Variants in SCNN1G observed in about 807,000 individuals in gnomAD.
The protein encoded by SCNN1G is sodium channel epithelial 1 subunit gamma, also known as epithelial sodium channel subunit gamma.
In SCNN1G, 27 loss-of-function variants were observed where a neutral mutation model predicts 64.6. The observed-to-expected ratio is 0.42, with a 90% CI of 0.31 to 0.58. The LOEUF (loss-of-function observed/expected upper bound fraction) is 0.58. Ranked by LOEUF, SCNN1G falls within the 20% of genes least tolerant of loss-of-function variation. The probability of loss-of-function intolerance (pLI) is 0.18; values close to 1 mark genes in which losing one functional copy is unlikely to be tolerated. For missense variants in SCNN1G, 743 were observed against 823.4 expected (o/e 0.90, Z 1.19); for synonymous variants, 330 against 314.2 (o/e 1.05, Z -0.53).
rs148236872 is a variant in SCNN1G, at chr16:23,189,387, C to A, written c.334C>A (p.His112Asn). ...INPYKYSTVR[H>N]LLADLEQETR... ...CCTTGGCAGGTACAGCACCGTTCGC[C>A]ACCTTCTAGCTGACTTGGAACAGGA... The change falls in exon 3 of 13, where the codon CAC becomes AAC. Residue 112 changes from histidine (H) to asparagine (N), a missense_variant. His to Asn is a moderately conservative substitution (Grantham distance 68). Coordinates refer to ENST00000300061, the MANE Select transcript of SCNN1G (RefSeq NM_001039.4). The A allele has an allele frequency of 6.2e-7, 1 of 1,613,800 alleles. No homozygotes were observed. Among genetic ancestry groups the A allele is most frequent in the African/African-American group, 1.3e-5 (1 of 74,942 alleles).
chr16:23,204,497 A>C (rs55852809), intron 6 of SCNN1G, among the ~76,000 whole-genome samples: 51,030 of 145,414 alleles, frequency 0.35, 9,567 homozygotes, highest in East Asian at 0.71. Flanking sequence ...TCCTTTATGA[A>C]TTTTATATAT....
At position 23,189,600 on chromosome 16, in the gene SCNN1G, G is replaced by A. The variant is rs5736; in HGVS notation, c.547G>A (p.Gly183Ser). The A allele has an allele frequency of 2.9e-3, 4,678 of 1,614,194 alleles. 73 individuals carry two copies. In the African/African-American group the frequency reaches 0.037, roughly 13 times the overall value. ...CTTCACAGGGAGGAAGCGGAAAGTC[G>A]GCGGTAGCATCATTCACAAGGCTTC... ...DFFTGRKRKV[G>S]GSIIHKASNV... The change falls in exon 3 of 13, where the codon GGC becomes AGC. Residue 183 changes from glycine to serine, a missense_variant. By Grantham distance (56) the Gly-to-Ser change is moderately conservative. Transcript: ENST00000300061.
chr16:23,191,847 A>G (rs1191365755), intron 3 of SCNN1G, among the ~76,000 whole-genome samples: 1 of 152,194 alleles, frequency 6.6e-6, no homozygotes, highest in Non-Finnish European at 1.5e-5. Flanking sequence ...GGGTCCTCCC[A>G]GCTACCACAC....
rs770462575 is a variant in SCNN1G, at chr16:23,186,368, T to C, written c.97T>C (p.Cys33Arg). The change falls in exon 2 of 13, where the codon TGC (cysteine) becomes CGC (arginine). Residue 33 changes from cysteine (C) to arginine (R), a missense_variant. Transcript: ENST00000300061. The stretch of plus-strand genomic sequence containing the variant: ...CATTAAAGAGCTGATGCGGTGGTAC[T>C]GCCTCAACACCAACACCCATGGCTG... ...PTIKELMRWY[C>R]LNTNTHGCRR... 4 of 1,614,096 alleles carry C rather than the reference T, an allele frequency of 2.5e-6. No homozygotes were observed. The African/African-American group carries it at 4.0e-5, about 16-fold the overall frequency.
chr16:23,192,468 G>A lies in SCNN1G; in HGVS notation c.735G>A (p.Lys245=), dbSNP rs780436941. ...TCATGGCACAGGTGCCTCTGGAGAA[G>A]AAAATCAACATGAGCTATTCTGCTG... The part of the protein sequence containing the change: ...MNIMAQVPLE[K]KINMSYSAEE... Residue 245 remains lysine, a synonymous_variant, in exon 4 of 13, where the codon AAG becomes AAA. Coordinates refer to ENST00000300061, the MANE Select transcript of SCNN1G (RefSeq NM_001039.4). 1 of 1,613,776 alleles carries A rather than the reference G, an allele frequency of 6.2e-7. No homozygotes were observed. The highest frequency in any genetic ancestry group is 1.1e-5 in the South Asian group (1 of 91,060).
intron 1 of SCNN1G, among the ~76,000 whole-genome samples, chr16:23,183,840 C>A (rs1959561423): frequency 6.6e-6 from 1 of 152,154 alleles, no homozygotes; most frequent in South Asian, 2.1e-4. Context: ...TGAAGAGCAG[C>A]CTAGTTAGTC....
In SCNN1G at chr16:23,214,931, T is replaced by A. The variant is rs1462456385; in HGVS notation, c.1569+144T>A. Reference sequence around the variant, plus strand: ...AGGCTAGCCAGGTCTCAGGTCGGAATGCACAGAGTAAGAGGAAACAGGAAG... The same window carrying A: ...AGGCTAGCCAGGTCTCAGGTCGGAAAGCACAGAGTAAGAGGAAACAGGAAG... On this transcript the variant is annotated intron_variant, in intron 12 of 12. Transcript: ENST00000300061. 6.3e-6 allele frequency: 7 copies of A among 1,104,730 alleles called. 1 individual carries two copies. The highest frequency in any genetic ancestry group is 3.1e-5 in the African/African-American group (2 of 64,740). The allele number at this position is 1,104,730 out of a possible 1,614,324, so 68.4% of individuals were successfully genotyped here.
intron 1 of SCNN1G, among the ~76,000 whole-genome samples, chr16:23,183,773 T>C (rs1007576527): frequency 6.6e-6 from 1 of 152,194 alleles, no homozygotes; most frequent in African/African-American, 2.4e-5. Flanking sequence ...AAGGGATCAA[T>C]AAGTGATAGC....
intron 10 of SCNN1G, 38 bp downstream of exon 10, chr16:23,212,932 C>T: frequency 5.6e-6 from 9 of 1,600,340 alleles, no homozygotes; most frequent in Non-Finnish European, 6.8e-6. Flanking sequence ...CTGAAGCCCC[C>T]AGCCTGGAGC....
intron 11 of SCNN1G, among the ~76,000 whole-genome samples, chr16:23,213,739 C>T (rs1391098987): frequency 6.6e-6 from 1 of 152,210 alleles, no homozygotes; most frequent in African/African-American, 2.4e-5. Flanking sequence ...TCATAGAGCA[C>T]CCCCTAGGTG....
At chr16:23,197,828 C>T (rs532342270) in intron 6 of SCNN1G, among the ~76,000 whole-genome samples, 4 of 151,368 alleles carry the variant, frequency 2.6e-5, no homozygotes, top group African/African-American at 7.3e-5. Flanking sequence ...TGCAGTGGGC[C>T]GAGATCACGC....
chr16:23,196,333 A>T (rs1234544415), intron 5 of SCNN1G: 4 of 152,156 alleles, frequency 2.6e-5, no homozygotes, highest in African/African-American at 9.7e-5. Context: ...GTGTGCTTGG[A>T]GCTTATTGAG....
Position 23,197,450 on chromosome 16 carries a change from A to T in SCNN1G, c.1077+23A>T, listed in dbSNP as rs189354213. 55 of 1,605,826 alleles carry T rather than the reference A, an allele frequency of 3.4e-5. No individual in the cohort carries two copies. The African/African-American group carries it at 6.1e-4, about 18-fold the overall frequency. ...CTGGTAAGAGAATATTCTCATTTCC[A>T]TAGGCTTGGAGAGAACAGATCTTTT... is the stretch of plus-strand genomic sequence containing the variant. On this transcript the variant is annotated intron_variant, in intron 6 of 12. Coordinates refer to ENST00000300061, the MANE Select transcript of SCNN1G (RefSeq NM_001039.4).
intron 6 of SCNN1G, among the ~76,000 whole-genome samples, chr16:23,197,979 C>T (rs771255928): frequency 3.9e-5 from 6 of 152,002 alleles, no homozygotes; most frequent in Non-Finnish European, 5.9e-5. Flanking sequence ...ATGCTGGAAG[C>T]AAGGCATTAG....
chr16:23,209,966 C>T, intron 7 of SCNN1G, 118 bp downstream of exon 7: 3 of 747,614 alleles, frequency 4.0e-6, no homozygotes, highest in Middle Eastern at 2.3e-4. Context: ...CCCTGGGGTT[C>T]ATCCAGAGAC....
intron 8 of SCNN1G, 105 bp downstream of exon 8, chr16:23,212,256 G>T: frequency 1.3e-6 from 1 of 787,190 alleles, no homozygotes. Flanking sequence ...TTTGCGTGAG[G>T]GAGGTATTGG....
chr16:23,183,442 CGAACCCAACGCTAGACTT>C (rs1959554781), intron 1 of SCNN1G, among the ~76,000 whole-genome samples: 1 of 152,164 alleles, frequency 6.6e-6, no homozygotes, highest in Non-Finnish European at 1.5e-5. Flanking sequence ...TCCGGTCCAG[CGAACCCAACGCTAGACTT>C]GGGGCAAATC....
At chr16:23,183,252 C>T (rs1959550854) in intron 1 of SCNN1G, among the ~76,000 whole-genome samples, 1 of 152,232 alleles carries the variant, frequency 6.6e-6, no homozygotes, top group South Asian at 2.1e-4. Context: ...CCAGCGCCTT[C>T]AGCCGGCGCT....
chr16:23,191,326 A>T (rs898582987), intron 3 of SCNN1G, among the ~76,000 whole-genome samples: 2 of 152,272 alleles, frequency 1.3e-5, no homozygotes, highest in African/African-American at 4.8e-5. Flanking sequence ...AATCCTGAAA[A>T]ATGGACCTTC....
Sources: gnomAD v4.1 joint callset for allele counts (sites outside exome capture counted in the v4.1 genomes callset) on GRCh38, gnomAD v4.1.1 for gene constraint, MANE v1.5 for transcripts, NCBI Gene and HGNC (gene_info 2026-07-23, HGNC 2026-07-21) for gene names.